Variants in NDUFS6 observed in about 807,000 individuals in gnomAD.
NDUFS6 encodes NADH dehydrogenase [ubiquinone] iron-sulfur protein 6, mitochondrial.
In NDUFS6, 14 loss-of-function variants were observed where a neutral mutation model predicts 13.2. The ratio of observed to expected loss-of-function variants is 1.06; its 90% CI spans 0.70 to 1.66. The LOEUF is 1.66. Among genes scored for constraint, NDUFS6 ranks in the 40% most tolerant of loss-of-function variants. The pLI, the probability that NDUFS6 is intolerant of heterozygous loss-of-function variation, is 0.00. For synonymous variants in NDUFS6, 95 were observed against 72.3 expected (o/e 1.31, Z -1.60); for missense variants, 206 against 170.8 (o/e 1.21, Z -1.15).
intron 2 of NDUFS6, among the ~76,000 whole-genome samples, chr5:1,810,116 G>GCCTCTA (rs1477023473): frequency 6.6e-6 from 1 of 152,246 alleles, no homozygotes; most frequent in Non-Finnish European, 1.5e-5. Context: ...CATTGAATGG[G>GCCTCTA]CCTCTAGTCT....
chr5:1,802,084 C>T (rs1480287786), intron 1 of NDUFS6: 5 of 532,114 alleles, frequency 9.4e-6, no homozygotes, highest in Non-Finnish European at 1.3e-5. Flanking sequence ...CTCCTTAGCT[C>T]CACCTTCCCG....
At position 1,805,538 on chromosome 5, in the gene NDUFS6, G is replaced by A. The variant is rs112423546; in HGVS notation, c.186+3164G>A. 2.7e-3 allele frequency among the ~76,000 whole-genome samples: 404 copies of A among 152,284 alleles called. 2 individuals are homozygous for A. Among genetic ancestry groups the A allele is most frequent in the African/African-American group, 8.7e-3 (363 of 41,560 alleles). ...CTGCCTGTGAGGAGACTCCTCACGT[G>A]CTAAAGAATGTGCCAGCCACCCCCA... On this transcript the variant is annotated intron_variant, in intron 2 of 3. Transcript: ENST00000274137.
intron 2 of NDUFS6, among the ~76,000 whole-genome samples, chr5:1,810,250 G>A (rs1203696948): frequency 6.6e-6 from 1 of 152,226 alleles, no homozygotes; most frequent in Non-Finnish European, 1.5e-5. Context: ...AGCAACATCC[G>A]AGGCAGAGGG....
At chr5:1,813,998 A>G (rs753484882) in intron 2 of NDUFS6, among the ~76,000 whole-genome samples, 63 of 152,340 alleles carry the variant, frequency 4.1e-4, no homozygotes, top group Non-Finnish European at 8.2e-4. Flanking sequence ...CGAGCAATAC[A>G]AATGTCCTCA....
At chr5:1,811,796 T>A (rs2111358362) in intron 2 of NDUFS6, among the ~76,000 whole-genome samples, 1 of 152,368 alleles carries the variant, frequency 6.6e-6, no homozygotes, top group South Asian at 2.1e-4. Context: ...AGGTGATGTA[T>A]CCGTCCATCA....
At chr5:1,810,192 A>G (rs1297873444) in intron 2 of NDUFS6, among the ~76,000 whole-genome samples, 2 of 152,200 alleles carry the variant, frequency 1.3e-5, no homozygotes, top group Admixed American at 1.3e-4. Flanking sequence ...GACGCTGTAG[A>G]AGGAGCACAA....
rs145480237 is a variant in NDUFS6, at chr5:1,812,522, G to A, written c.187-1817G>A. On this transcript the variant is annotated intron_variant, in intron 2 of 3. Transcript: ENST00000274137. ...ATTATCCCATGTGGCAAATTTCCCC[G>A]GGTTGACTCCTCTTTTAACACAACC... is the stretch of plus-strand genomic sequence containing the variant. Among the ~76,000 whole-genome samples, 55 of 26,460 alleles carry A rather than the reference G, an allele frequency of 2.1e-3. 9 individuals carry two copies. The highest frequency in any genetic ancestry group is 0.01 in the East Asian group (23 of 2,206). 17.4% of individuals were successfully genotyped at this position (26,460 alleles called of 152,430 possible).
rs1223538377 is a variant in NDUFS6, at chr5:1,814,302, G to A, written c.187-37G>A. The A allele has an allele frequency of 1.2e-6, 2 of 1,614,006 alleles. No homozygotes were observed. Among genetic ancestry groups the A allele is most frequent in the Non-Finnish European group, 1.7e-6 (2 of 1,179,910 alleles). On this transcript the variant is annotated intron_variant, in intron 2 of 3. Coordinates refer to ENST00000274137, the MANE Select transcript of NDUFS6 (RefSeq NM_004553.6). This position sits in a 1 kb window ranked among gnomAD's most constrained non-coding sequence, Gnocchi z 4.9. ...TAAATTGTATGTAGTTAGCAAGTTT[G>A]TGTATTTGTTTACGTAAGTCTTTCT...
chr5:1,805,099 G>A (rs1734103551), intron 2 of NDUFS6, among the ~76,000 whole-genome samples: 1 of 152,216 alleles, frequency 6.6e-6, no homozygotes, highest in Non-Finnish European at 1.5e-5. Flanking sequence ...GGGAGGCCAA[G>A]GTGGGCTGAT....
chr5:1,810,719 C>G (rs1734205305), intron 2 of NDUFS6, among the ~76,000 whole-genome samples: 1 of 152,102 alleles, frequency 6.6e-6, no homozygotes, highest in African/African-American at 2.4e-5. Context: ...TGGCTCAGCT[C>G]CTCTAATGGT....
At chr5:1,809,435 C>T (rs1301919980) in intron 2 of NDUFS6, among the ~76,000 whole-genome samples, 1 of 152,124 alleles carries the variant, frequency 6.6e-6, no homozygotes, top group Non-Finnish European at 1.5e-5. Context: ...GCCGTGTGAA[C>T]CCGGAGCCGG....
In NDUFS6 at chr5:1,815,988, C is replaced by T. The variant is rs553535831; in HGVS notation, c.*72C>T. On this transcript the variant is annotated 3_prime_UTR_variant, in exon 4 of 4. Transcript: ENST00000274137. ...GCGGGGAAGCTGAGCACGTGAAGCTCGCTGGTTCTGTGCGAAGGGTATTCC... is the reference window on the plus strand; with the variant it reads ...GCGGGGAAGCTGAGCACGTGAAGCTTGCTGGTTCTGTGCGAAGGGTATTCC... 52 of 1,518,140 alleles carry T rather than the reference C, an allele frequency of 3.4e-5. No homozygotes were observed. Among genetic ancestry groups the T allele is most frequent in the Middle Eastern group, 1.7e-4 (1 of 5,870 alleles). 94.0% of individuals were successfully genotyped at this position (1,518,140 alleles called of 1,614,324 possible). A position where few individuals can be genotyped will look rare whatever the true frequency, so the allele number is the denominator to read the frequency against.
At chr5:1,813,484 G>T (rs1439110840) in intron 2 of NDUFS6, among the ~76,000 whole-genome samples, 1 of 152,190 alleles carries the variant, frequency 6.6e-6, no homozygotes, top group African/African-American at 2.4e-5. Flanking sequence ...CAGTGAATAT[G>T]TAGGCGGACC....
intron 2 of NDUFS6, among the ~76,000 whole-genome samples, chr5:1,810,663 C>T (rs1042528058): frequency 1.3e-5 from 2 of 152,170 alleles, no homozygotes; most frequent in Non-Finnish European, 2.9e-5. Context: ...TCCAGGCAGT[C>T]AGTTTCAACA....
chr5:1,809,404 T>C (rs903640982), intron 2 of NDUFS6, among the ~76,000 whole-genome samples: 2 of 152,098 alleles, frequency 1.3e-5, no homozygotes, highest in East Asian at 1.9e-4. Flanking sequence ...TGTGGCTGGG[T>C]GTGTTCACTG....
At chr5:1,812,670 G>A (rs1458248726) in intron 2 of NDUFS6, among the ~76,000 whole-genome samples, 1 of 150,978 alleles carries the variant, frequency 6.6e-6, no homozygotes, top group Non-Finnish European at 1.5e-5. Context: ...CCTTCCCTTC[G>A]GTGTGAAATG....
intron 2 of NDUFS6, among the ~76,000 whole-genome samples, chr5:1,809,317 A>G (rs559940832): frequency 6.6e-6 from 1 of 152,312 alleles, no homozygotes; most frequent in South Asian, 2.1e-4. Flanking sequence ...AGCGCTCTTC[A>G]GTTTTTCTCA....
Position 1,814,242 on chromosome 5 carries a change from C to T in NDUFS6, c.187-97C>T. ...TTAAATGAAGCATGCACCATAGATT[C>T]GTGCTGATGGTACATGAATTTGTGT... On this transcript the variant is annotated intron_variant, in intron 2 of 3. Transcript: ENST00000274137. The surrounding 1 kb of genome is among the most constrained non-coding windows in gnomAD (Gnocchi z 4.9). The T allele has an allele frequency of 2.6e-6, 4 of 1,518,206 alleles. No homozygotes were observed. Among genetic ancestry groups the T allele is most frequent in the South Asian group, 1.1e-5 (1 of 88,950 alleles). The allele number at this position is 1,518,206 out of a possible 1,614,324, so 94.0% of individuals were successfully genotyped here.
rs1734262662 is a variant in NDUFS6 at position 1,814,007 on chromosome 5, C to T, written c.187-332C>T. The stretch of plus-strand genomic sequence containing the variant: ...CAGGCCCGAGCAATACAAATGTCCT[C>T]AGGTGGGACAGAACGATGTGGTGGG... On this transcript the variant is annotated intron_variant, in intron 2 of 3. Transcript: ENST00000274137. This position sits in a 1 kb window ranked among gnomAD's most constrained non-coding sequence, Gnocchi z 4.9. Among the ~76,000 whole-genome samples the T allele has an allele frequency of 6.6e-6, 1 of 152,210 alleles. No homozygotes were observed. Among genetic ancestry groups the T allele is most frequent in the Non-Finnish European group, 1.5e-5 (1 of 68,042 alleles).
Sources: allele counts gnomAD v4.1 joint callset (sites outside exome capture counted in the v4.1 genomes callset), GRCh38; gene constraint gnomAD v4.1.1; non-coding constraint Gnocchi (gnomAD v3.1); transcripts MANE v1.5; gene names NCBI Gene and HGNC (gene_info 2026-07-23, HGNC 2026-07-21).